Variants in CDKAL1 observed in about 807,000 individuals in gnomAD.
CDKAL1 encodes CDKAL1 threonylcarbamoyladenosine tRNA methylthiotransferase, also known as threonylcarbamoyladenosine tRNA methylthiotransferase.
In CDKAL1, 32 loss-of-function variants were observed where a neutral mutation model predicts 68.2. The ratio of observed to expected loss-of-function variants is 0.47; its 90% confidence interval spans 0.35 to 0.63. CDKAL1 has a LOEUF of 0.63. Ranked by LOEUF, CDKAL1 falls within the 30% of genes least tolerant of loss-of-function variation. The pLI, the probability that CDKAL1 is intolerant of heterozygous loss-of-function variation, is 0.00. For synonymous variants in CDKAL1, 234 were observed against 244.3 expected (o/e 0.96, Z 0.39); for missense variants, 606 against 696.7 (o/e 0.87, Z 1.47).
chr6:21,222,634 G>A (rs1230128597), intron 15 of CDKAL1, among the ~76,000 whole-genome samples: 2 of 152,124 alleles, frequency 1.3e-5, no homozygotes, highest in Non-Finnish European at 2.9e-5. Flanking sequence ...GAATAAAGGA[G>A]AAAGATAGCT....
At chr6:21,217,084 G>A (rs553673167) in intron 15 of CDKAL1, among the ~76,000 whole-genome samples, 6 of 152,030 alleles carry the variant, frequency 3.9e-5, no homozygotes, top group Non-Finnish European at 8.8e-5. Context: ...GTATATGTAA[G>A]CTGGTATTTT....
chr6:21,156,506 C>A (rs1776652670), intron 13 of CDKAL1, among the ~76,000 whole-genome samples: 1 of 151,616 alleles, frequency 6.6e-6, no homozygotes, highest in Non-Finnish European at 1.5e-5. Context: ...AGCAGAATCC[C>A]TTTTTTTCCT....
At chr6:21,014,302 G>T (rs766805194) in intron 11 of CDKAL1, among the ~76,000 whole-genome samples, 3 of 152,074 alleles carry the variant, frequency 2.0e-5, no homozygotes, top group Non-Finnish European at 4.4e-5. Flanking sequence ...ACCACAATAG[G>T]TATGTCTAAA....
chr6:20,894,799 T>C (rs1195629775), intron 9 of CDKAL1, among the ~76,000 whole-genome samples: 2 of 152,166 alleles, frequency 1.3e-5, no homozygotes, highest in Admixed American at 1.3e-4. Context: ...TTTGAGTCCA[T>C]GGGTTCAAGA....
At chr6:21,172,756 A>G (rs1242441016) in intron 13 of CDKAL1, among the ~76,000 whole-genome samples, 1 of 152,150 alleles carries the variant, frequency 6.6e-6, no homozygotes, top group Non-Finnish European at 1.5e-5. Flanking sequence ...CCCTGTCTCT[A>G]AAAAAATTAA....
At chr6:20,879,315 T>G (rs975780046) in intron 9 of CDKAL1, among the ~76,000 whole-genome samples, 2 of 152,174 alleles carry the variant, frequency 1.3e-5, no homozygotes, top group Admixed American at 6.5e-5. Context: ...CTCTAGTTAG[T>G]TTTGAAGTCT....
intron 10 of CDKAL1, among the ~76,000 whole-genome samples, chr6:20,977,025 G>A (rs1250424337): frequency 6.6e-6 from 1 of 152,156 alleles, no homozygotes; most frequent in Non-Finnish European, 1.5e-5. Context: ...GAGTGGAATT[G>A]CTGGGTCAGA....
At chr6:20,886,247 G>T (rs957158441) in intron 9 of CDKAL1, among the ~76,000 whole-genome samples, 5 of 152,224 alleles carry the variant, frequency 3.3e-5, no homozygotes, top group African/African-American at 1.2e-4. Flanking sequence ...GTGTTGGTGA[G>T]GATGTGGAGA....
intron 9 of CDKAL1, among the ~76,000 whole-genome samples, chr6:20,928,039 T>C (rs1453653923): frequency 6.6e-6 from 1 of 152,204 alleles, no homozygotes; most frequent in East Asian, 1.9e-4. Flanking sequence ...AAAAATCTTA[T>C]GTAGCTTTAA....
chr6:20,967,208 A>G (rs1199393433), intron 10 of CDKAL1, among the ~76,000 whole-genome samples: 2 of 152,110 alleles, frequency 1.3e-5, no homozygotes, highest in Non-Finnish European at 2.9e-5. Flanking sequence ...TAACTTGATT[A>G]TATCTATTAA....
intron 15 of CDKAL1, among the ~76,000 whole-genome samples, chr6:21,206,102 A>G (rs1449399358): frequency 6.6e-6 from 1 of 151,860 alleles, no homozygotes; most frequent in African/African-American, 2.4e-5. Flanking sequence ...AAGTGCTGGG[A>G]TTACAGGCGT....
chr6:20,892,294 T>C (rs75006332), intron 9 of CDKAL1, among the ~76,000 whole-genome samples: 2 of 152,246 alleles, frequency 1.3e-5, no homozygotes, highest in Admixed American at 1.3e-4. Flanking sequence ...AAAAGAGACT[T>C]AAAAGAGAAT....
At position 20,709,929 on chromosome 6, in the gene CDKAL1, G is replaced by A. The variant is rs181652609; in HGVS notation, c.372-29590G>A. On this transcript the variant is annotated intron_variant, in intron 5 of 15. Coordinates refer to ENST00000274695, the MANE Select transcript of CDKAL1 (RefSeq NM_017774.3). ...AATTGGTCTCAGATTATTCTCTCCC[G>A]AGTATTGGCAAAGGCAATGGAGTTA... Among the ~76,000 whole-genome samples, 57 of 152,212 alleles carry A rather than the reference G, an allele frequency of 3.7e-4. 1 individual carries two copies. The Middle Eastern group carries it at 0.024, about 64-fold the overall frequency.
intron 15 of CDKAL1, 26 bp downstream of exon 15, chr6:21,201,300 A>G (rs1428744458): frequency 1.3e-6 from 2 of 1,572,590 alleles, no homozygotes; most frequent in Non-Finnish European, 1.7e-6. Flanking sequence ...TCTCCTCTCT[A>G]CCCTGCTAGT....
At chr6:20,960,864 G>A (rs570093370) in intron 10 of CDKAL1, among the ~76,000 whole-genome samples, 9 of 152,310 alleles carry the variant, frequency 5.9e-5, no homozygotes, top group East Asian at 3.9e-4. Flanking sequence ...ATACTATAGC[G>A]ATAGATAGTA....
intron 12 of CDKAL1, among the ~76,000 whole-genome samples, chr6:21,091,841 A>G (rs1773021373): frequency 6.9e-6 from 1 of 145,382 alleles, no homozygotes; most frequent in Admixed American, 6.9e-5. Flanking sequence ...AAATGCAGCA[A>G]CAGGCTCAGA....
intron 12 of CDKAL1, among the ~76,000 whole-genome samples, chr6:21,094,100 G>T (rs79960249): frequency 6.6e-6 from 1 of 151,970 alleles, no homozygotes; most frequent in Non-Finnish European, 1.5e-5. Flanking sequence ...ATATAATTAG[G>T]TATTACTTGG....
intron 13 of CDKAL1, among the ~76,000 whole-genome samples, chr6:21,137,314 G>A (rs1473442668): frequency 6.6e-6 from 1 of 152,110 alleles, no homozygotes; most frequent in African/African-American, 2.4e-5. Context: ...TTTAATCATA[G>A]TTGATTAACC....
chr6:21,080,676 GT>G (rs1208705662), intron 12 of CDKAL1, among the ~76,000 whole-genome samples: 2 of 152,102 alleles, frequency 1.3e-5, no homozygotes, highest in Non-Finnish European at 2.9e-5. Context: ...CCAACTTTTT[GT>G]TTAGCCCCAA....
Sources: gnomAD v4.1 joint callset for allele counts (sites outside exome capture counted in the v4.1 genomes callset) on GRCh38, gnomAD v4.1.1 for gene constraint, MANE v1.5 for transcripts, NCBI Gene and HGNC (gene_info 2026-07-23, HGNC 2026-07-21) for gene names.